DIP2C: variants seen among roughly 807,000 people sequenced by gnomAD.
The protein encoded by DIP2C is DIP2 acetate--CoA ligase C (putative).
In DIP2C, 33 loss-of-function variants were observed where a neutral mutation model predicts 192.4. The observed-to-expected ratio is 0.17, with a 90% CI of 0.13 to 0.23. DIP2C has a LOEUF of 0.23. DIP2C is among the 10% of genes least tolerant of loss of function. DIP2C has a pLI of 1.00. For synonymous variants in DIP2C, 979 were observed against 864.1 expected (o/e 1.13, Z -2.33); for missense variants, 1,537 against 2,110.1 (o/e 0.73, Z 5.32).
intron 26 of DIP2C, 36 bp from the exon 27 acceptor site, chr10:345,146 G>A: frequency 6.3e-7 from 1 of 1,579,870 alleles, no homozygotes; most frequent in Non-Finnish European, 8.6e-7. Flanking sequence ...CCATGAACGT[G>A]GACCCAGATG....
intron 3 of DIP2C, among the ~76,000 whole-genome samples, chr10:448,508 C>A (rs1210764854): frequency 6.8e-6 from 1 of 146,672 alleles, no homozygotes; most frequent in South Asian, 2.2e-4. Context: ...GCAGCAGGAC[C>A]CGCTCACTCC....
chr10:366,052 G>A (rs1960157112), intron 19 of DIP2C, among the ~76,000 whole-genome samples: 1 of 152,202 alleles, frequency 6.6e-6, no homozygotes, highest in Admixed American at 6.5e-5. Context: ...CCTTTTTAAA[G>A]CATGCTTATT....
chr10:367,304 C>G (rs1335684265), intron 18 of DIP2C, among the ~76,000 whole-genome samples: 2 of 151,904 alleles, frequency 1.3e-5, no homozygotes, highest in Non-Finnish European at 2.9e-5. Flanking sequence ...GTAGTCCCAG[C>G]TCCTCGGGAG....
rs1420284435 is a variant in DIP2C, at chr10:440,869, A to G, written c.394+2T>C. 6.2e-7 allele frequency: 1 copy of G among 1,611,634 alleles called. No individual in the cohort carries two copies. Among genetic ancestry groups the G allele is most frequent in the Non-Finnish European group, 8.5e-7 (1 of 1,179,446 alleles). On this transcript the variant is annotated splice_donor_variant, in intron 4 of 36. Coordinates refer to ENST00000280886, the MANE Select transcript of DIP2C (RefSeq NM_014974.3). LOFTEE classifies it high-confidence loss of function. The stretch of plus-strand genomic sequence containing the variant: ...GGCCGTGTCGGGGAGCGTGTCCCTT[A>G]CCTGGAGGGGTGTAGGCGTCCATCG...
At chr10:678,677 A>ACGCCCATGCTCCCTG (rs1357660321) in intron 1 of DIP2C, among the ~76,000 whole-genome samples, 31 of 6,580 alleles carry the variant, frequency 4.7e-3, no homozygotes, top group African/African-American at 6.8e-3. Context: ...CCAGCTCCCC[A>ACGCCCATGCTCCCTG]CGCCCATGCT....
chr10:416,346 G>A (rs146870936), intron 6 of DIP2C, among the ~76,000 whole-genome samples: 1 of 152,182 alleles, frequency 6.6e-6, no homozygotes, highest in Non-Finnish European at 1.5e-5. Flanking sequence ...TCAGCCTCAT[G>A]GAGGCACGAG....
At chr10:557,793 AGG>A (rs1848975063) in intron 1 of DIP2C, among the ~76,000 whole-genome samples, 3 of 64,324 alleles carry the variant, frequency 4.7e-5, no homozygotes, top group African/African-American at 1.3e-4. Flanking sequence ...GGGCGGGGGC[AGG>A]GGCAGGCAGG....
intron 1 of DIP2C, among the ~76,000 whole-genome samples, chr10:604,104 C>T (rs1852299016): frequency 2.0e-5 from 3 of 151,282 alleles, no homozygotes; most frequent in African/African-American, 4.9e-5. Flanking sequence ...CCTCGTACTC[C>T]CTCTCATCAA....
At chr10:611,185 T>C (rs1485695209) in intron 1 of DIP2C, among the ~76,000 whole-genome samples, 4 of 113,776 alleles carry the variant, frequency 3.5e-5, no homozygotes, top group African/African-American at 1.0e-4. Context: ...TGAAAGTGCA[T>C]GGCACCTTCC....
intron 1 of DIP2C, among the ~76,000 whole-genome samples, chr10:561,789 T>G (rs1291806681): frequency 6.6e-6 from 1 of 152,210 alleles, no homozygotes; most frequent in Non-Finnish European, 1.5e-5. Flanking sequence ...AAACTCAGTG[T>G]TTTCGCCATT....
At position 527,020 on chromosome 10, in the gene DIP2C, G is replaced by A. The variant is rs764170375; in HGVS notation, c.86-40490C>T. On this transcript the variant is annotated intron_variant, in intron 1 of 36. Transcript: ENST00000280886. ...GGAGGCGGACAGGGTAAGGGCAGCCGTCCTGGGGGACAGCTGTCTGCAGTG... is the reference window on the plus strand; with the variant it reads ...GGAGGCGGACAGGGTAAGGGCAGCCATCCTGGGGGACAGCTGTCTGCAGTG... Among the ~76,000 whole-genome samples the A allele has an allele frequency of 7.9e-4, 121 of 152,302 alleles. 1 individual carries two copies. The Middle Eastern group carries it at 0.01, about 13-fold the overall frequency.
At chr10:677,874 G>A (rs553640059) in intron 1 of DIP2C, among the ~76,000 whole-genome samples, 2 of 152,372 alleles carry the variant, frequency 1.3e-5, no homozygotes, top group East Asian at 3.9e-4. Context: ...CTGAGACAGA[G>A]CCAGGCTCCG....
chr10:397,601 A>C (rs1964098001), intron 10 of DIP2C, among the ~76,000 whole-genome samples: 1 of 151,352 alleles, frequency 6.6e-6, no homozygotes, highest in Non-Finnish European at 1.5e-5. Context: ...GCAGGTTCAG[A>C]CCTGGGCAGT....
rs1297203804 is a variant in DIP2C at position 321,667 on chromosome 10, A to C, written c.3924+5339T>G. Among the ~76,000 whole-genome samples the C allele has an allele frequency of 1.1e-4, 6 of 52,938 alleles. 1 individual carries two copies. The highest frequency in any genetic ancestry group is 5.1e-4 in the African/African-American group (5 of 9,900). 34.7% of individuals were successfully genotyped at this position (52,938 alleles called of 152,430 possible). On this transcript the variant is annotated intron_variant, in intron 31 of 36. Coordinates refer to ENST00000280886, the MANE Select transcript of DIP2C (RefSeq NM_014974.3). ...AGAGACCGGCGCTGTTAGAACAGTC[A>C]GTCGGGGGTGCGGGGCTCCGGCGAG...
intron 1 of DIP2C, among the ~76,000 whole-genome samples, chr10:494,347 G>A (rs540332791): frequency 7.9e-5 from 12 of 152,224 alleles, no homozygotes; most frequent in East Asian, 7.7e-4. Context: ...AGTCAGAGGC[G>A]CGCAGTGACC....
intron 24 of DIP2C, among the ~76,000 whole-genome samples, chr10:353,053 GT>G (rs1958900519): frequency 1.3e-5 from 2 of 152,132 alleles, no homozygotes; most frequent in South Asian, 4.1e-4. Context: ...ATTCACTGGG[GT>G]TTCCGTCCTG....
At position 353,128 on chromosome 10, in the gene DIP2C, T is replaced by A. The variant is rs151174145; in HGVS notation, c.2985+3298A>T. On this transcript the variant is annotated intron_variant, in intron 24 of 36. Coordinates refer to ENST00000280886, the MANE Select transcript of DIP2C (RefSeq NM_014974.3). Reference sequence around the variant, plus strand: ...TTTCATCAGAGAAATGAGGGCTGGCTTTTCCCCCACAGAAGTGCTGGGAGG... The same window carrying A: ...TTTCATCAGAGAAATGAGGGCTGGCATTTCCCCCACAGAAGTGCTGGGAGG... 6.3e-4 allele frequency among the ~76,000 whole-genome samples: 96 copies of A among 151,976 alleles called. 1 individual carries two copies. The highest frequency in any genetic ancestry group is 2.2e-3 in the African/African-American group (91 of 41,412).
chr10:611,601 GA>G (rs1424731293), intron 1 of DIP2C, among the ~76,000 whole-genome samples: 1 of 152,188 alleles, frequency 6.6e-6, no homozygotes, highest in Non-Finnish European at 1.5e-5. Flanking sequence ...TTTAGCAGCA[GA>G]AAAGCTGAGC....
chr10:457,521 T>G (rs1412066896), intron 3 of DIP2C, among the ~76,000 whole-genome samples: 1 of 152,216 alleles, frequency 6.6e-6, no homozygotes, highest in Non-Finnish European at 1.5e-5. Context: ...AAATTCCCTC[T>G]TTAGAAATGA....
Sources: gnomAD v4.1 joint callset for allele counts (sites outside exome capture counted in the v4.1 genomes callset) on GRCh38, gnomAD v4.1.1 for gene constraint, MANE v1.5 for transcripts, NCBI Gene and HGNC (gene_info 2026-07-23, HGNC 2026-07-21) for gene names.